The following TMEM114 variants were observed in gnomAD, a reference collection of about 807,000 sequenced individuals.
The protein encoded by TMEM114 is claudin-26.
TMEM114 carries 6 observed loss-of-function variants against 6.2 expected under a neutral mutation model. The observed-to-expected ratio is 0.97, with a 90% confidence interval of 0.53 to 1.91. The LOEUF is 1.91. TMEM114 is among the 40% of genes most tolerant of loss of function. The pLI, the probability that TMEM114 is intolerant of heterozygous loss-of-function variation, is 0.01. For synonymous variants in TMEM114, 104 were observed against 73.0 expected (o/e 1.42, Z -2.16); for missense variants, 218 against 158.3 (o/e 1.38, Z -2.02).
chr16:8,587,671 T>A (rs1287779122), intron 2 of TMEM114, among the ~76,000 whole-genome samples: 4 of 152,174 alleles, frequency 2.6e-5, no homozygotes, highest in Non-Finnish European at 4.4e-5. Context: ...CTTGTCTTTA[T>A]TTTTTTATCC....
chr16:8,581,696 C>CAAGGCCAAG, intron 2 of TMEM114, among the ~76,000 whole-genome samples: 1 of 152,236 alleles, frequency 6.6e-6, no homozygotes, highest in African/African-American at 2.4e-5. Context: ...TCAAGTGATC[C>CAAGGCCAAG]GCCCACCTTG....
At chr16:8,539,785 T>A (rs771136711) in intron 2 of TMEM114, among the ~76,000 whole-genome samples, 3 of 152,206 alleles carry the variant, frequency 2.0e-5, no homozygotes, top group African/African-American at 4.8e-5. Flanking sequence ...GAAGTAACTT[T>A]AAAAAATTAC....
intron 2 of TMEM114, among the ~76,000 whole-genome samples, chr16:8,542,157 TGACCAAGGAG>T (rs1359283052): frequency 6.6e-6 from 1 of 151,576 alleles, no homozygotes; most frequent in African/African-American, 2.4e-5. Flanking sequence ...GGGGGTCCCT[TGACCAAGGAG>T]GATGTGAAAC....
At chr16:8,572,049 G>T in intron 3 of TMEM114, 38 bp downstream of exon 3, 1 of 1,490,044 alleles carries the variant, frequency 6.7e-7, no homozygotes, top group South Asian at 1.4e-5. Context: ...CCAACCCCCA[G>T]ACCACAAGCC....
chr16:8,564,017 G>GTGAATGAGTAAATGAGTGAC (rs1901408918), intron 2 of TMEM114, among the ~76,000 whole-genome samples: 1 of 151,286 alleles, frequency 6.6e-6, no homozygotes, highest in Non-Finnish European at 1.5e-5. Context: ...GAATGAGTAT[G>GTGAATGAGTAAATGAGTGAC]TGAATGAGTA....
chr16:8,565,757 G>A (rs531031107), downstream of TMEM114, among the ~76,000 whole-genome samples: 2 of 152,288 alleles, frequency 1.3e-5, no homozygotes, highest in South Asian at 4.1e-4. Flanking sequence ...CCCCTGCACA[G>A]CAGAATCACC....
the TMEM114 span, among the ~76,000 whole-genome samples, chr16:8,529,267 G>A: frequency 6.6e-6 from 1 of 152,154 alleles, no homozygotes; most frequent in African/African-American, 2.4e-5. Flanking sequence ...CATCCCTGGA[G>A]CTAAAAGTTG....
intron 2 of TMEM114, among the ~76,000 whole-genome samples, chr16:8,573,906 T>G (rs551987079): frequency 1.6e-4 from 24 of 152,218 alleles, no homozygotes; most frequent in Non-Finnish European, 2.8e-4. Flanking sequence ...CTTATTTCCC[T>G]GTGCACAATT....
chr16:8,549,399 C>T lies in TMEM114; in HGVS notation n.213-11573G>A, dbSNP rs1025836760. Among the ~76,000 whole-genome samples the T allele has an allele frequency of 4.0e-5, 6 of 150,614 alleles. No homozygotes were observed. In the Admixed American group the frequency reaches 4.0e-4, roughly 10 times the overall value. On this transcript the variant is annotated intron_variant and non_coding_transcript_variant, in intron 2 of 2. Transcript: ENST00000623677. Reference sequence around the variant, plus strand: ...CCTGTAGTCTCAGCTACTCGGGAGGCTGAGGAAGGAGAATCGCTTGAACCC... The same window carrying T: ...CCTGTAGTCTCAGCTACTCGGGAGGTTGAGGAAGGAGAATCGCTTGAACCC...
In TMEM114 at chr16:8,589,862, G is replaced by A. The variant is rs888555361; in HGVS notation, c.-24C>T. The A allele has an allele frequency of 0.18, 71,614 of 396,590 alleles. 6,724 individuals carry two copies. Among genetic ancestry groups the A allele is most frequent in the Middle Eastern group, 0.24 (373 of 1,574 alleles). 24.6% of individuals were successfully genotyped at this position (396,590 alleles called of 1,614,324 possible). ...ATCGCCGAGCCCAGGACCAGCAGCC[G>A]CGGGTTCCAGTGGCCGCGGCGCGAC... On this transcript the variant is annotated 5_prime_UTR_variant, in exon 1 of 4. Transcript: ENST00000620492.
At chr16:8,540,719 A>G (rs567914585) in intron 2 of TMEM114, among the ~76,000 whole-genome samples, 2 of 152,364 alleles carry the variant, frequency 1.3e-5, no homozygotes, top group South Asian at 4.1e-4. Context: ...CATAGTTCCT[A>G]TCTTCTTGGA....
At chr16:8,546,525 C>T (rs577488338) in intron 2 of TMEM114, among the ~76,000 whole-genome samples, 38 of 152,346 alleles carry the variant, frequency 2.5e-4, no homozygotes, top group Admixed American at 5.9e-4. Context: ...GTAAGTCAGA[C>T]TTGTAGAAAG....
At chr16:8,542,022 A>G (rs1490933663) in intron 2 of TMEM114, among the ~76,000 whole-genome samples, 2 of 152,208 alleles carry the variant, frequency 1.3e-5, no homozygotes, top group African/African-American at 4.8e-5. Flanking sequence ...CCAGGACAGC[A>G]TGGTGACCAA....
intron 2 of TMEM114, among the ~76,000 whole-genome samples, chr16:8,545,314 C>T (rs763542284): frequency 2.0e-5 from 3 of 152,060 alleles, no homozygotes; most frequent in Non-Finnish European, 4.4e-5. Flanking sequence ...CACATGCCTG[C>T]AGTCCCAGCT....
chr16:8,532,282 AT>A, the TMEM114 span, among the ~76,000 whole-genome samples: 1 of 152,192 alleles, frequency 6.6e-6, no homozygotes, highest in Non-Finnish European at 1.5e-5. Flanking sequence ...CTGCATTTTA[AT>A]TTTCACTCTG....
intron 2 of TMEM114, among the ~76,000 whole-genome samples, chr16:8,584,052 T>C (rs1259150045): frequency 6.6e-6 from 1 of 152,234 alleles, no homozygotes; most frequent in Non-Finnish European, 1.5e-5. Flanking sequence ...GCTGCAAGTT[T>C]GGTGGAATTC....
At chr16:8,556,567 T>A (rs1296968293) in intron 2 of TMEM114, among the ~76,000 whole-genome samples, 3 of 152,130 alleles carry the variant, frequency 2.0e-5, no homozygotes, top group African/African-American at 7.2e-5. Flanking sequence ...AATGGCGTGA[T>A]CTTGGCTCAC....
intron 2 of TMEM114, among the ~76,000 whole-genome samples, chr16:8,581,576 C>T (rs1902150675): frequency 6.6e-6 from 1 of 152,184 alleles, no homozygotes; most frequent in East Asian, 1.9e-4. Context: ...GCCTCAGCCT[C>T]CCAAGTAGCT....
At chr16:8,569,347 TC>T (rs147936820), downstream of TMEM114, among the ~76,000 whole-genome samples, 958 of 152,090 alleles carry the variant, frequency 6.3e-3, 8 homozygotes, top group African/African-American at 0.022. Flanking sequence ...AGGCCAGAGC[TC>T]CCCAGAGAGA....
Sources: allele counts gnomAD v4.1 joint callset (sites outside exome capture counted in the v4.1 genomes callset), GRCh38; gene constraint gnomAD v4.1.1; transcripts MANE v1.5; gene names NCBI Gene and HGNC (gene_info 2026-07-23, HGNC 2026-07-21).